The following ANO7 variants were observed in gnomAD, a reference collection of about 807,000 sequenced individuals.
ANO7 encodes the protein anoctamin 7, also known as anoctamin-7.
ANO7 carries 114 observed loss-of-function variants against 115.8 expected under a neutral mutation model. The observed-to-expected ratio is 0.98, with a 90% CI of 0.85 to 1.15. The LOEUF (loss-of-function observed/expected upper bound fraction) is 1.15, where lower values mean the gene tolerates loss of function less well. ANO7 is among the 50% of genes most tolerant of loss of function. The probability of loss-of-function intolerance (pLI) is 0.00; values close to 1 mark genes in which losing one functional copy is unlikely to be tolerated. For synonymous variants in ANO7, 550 were observed against 498.2 expected (o/e 1.10, Z -1.38); for missense variants, 1,302 against 1,201.2 (o/e 1.08, Z -1.24).
chr2:241,216,397 A>G (rs992432095), intron 19 of ANO7, among the ~76,000 whole-genome samples, 159 bp downstream of exon 19: 1 of 152,184 alleles, frequency 6.6e-6, no homozygotes, highest in Non-Finnish European at 1.5e-5. Flanking sequence ...GCCTGTGGAG[A>G]ATCCAGAAAG....
chr2:241,230,004 C>G (rs1427799398), downstream of ANO7: 2 of 1,555,736 alleles, frequency 1.3e-6, no homozygotes, highest in South Asian at 2.4e-5. The surrounding 1 kb of genome is among the most constrained non-coding windows in gnomAD (Gnocchi z 5.0). Context: ...CTGCCCAGCA[C>G]CCCCAGCATC....
intron 22 of ANO7, 22 bp from the exon 23 acceptor site, chr2:241,223,640 G>A: frequency 5.0e-6 from 8 of 1,608,934 alleles, no homozygotes; most frequent in South Asian, 1.1e-5. Flanking sequence ...GGGTGGGCGT[G>A]AGTGCCTTCC....
chr2:241,219,001 T>C (rs2068944283), intron 21 of ANO7, among the ~76,000 whole-genome samples: 1 of 152,134 alleles, frequency 6.6e-6, no homozygotes, highest in Admixed American at 6.5e-5. Context: ...TAGCTATTTA[T>C]CTTCTGTTTC....
chr2:241,207,572 A>G lies in ANO7; in HGVS notation c.981-2A>G, dbSNP rs2068621821. On this transcript the variant is annotated splice_acceptor_variant, in intron 10 of 24. Transcript: ENST00000674324. LOFTEE classifies it high-confidence loss of function. ...CCCACCCCTCCGCTCCATGCCTTGC[A>G]GGCAGGAACTGTGTGGCAGCAAGGA... The G allele has an allele frequency of 6.2e-7, 1 of 1,613,046 alleles. No homozygotes were observed. The highest frequency in any genetic ancestry group is 8.5e-7 in the Non-Finnish European group (1 of 1,179,854).
At chr2:241,210,416 G>T in intron 14 of ANO7, 23 bp downstream of exon 14, 1 of 1,613,618 alleles carries the variant, frequency 6.2e-7, no homozygotes, top group Non-Finnish European at 8.5e-7. Flanking sequence ...TGCCTGCCTC[G>T]GGGGGCCCTG....
chr2:241,195,577 G>T, intron 3 of ANO7, 126 bp from the exon 4 acceptor site: 1 of 882,950 alleles, frequency 1.1e-6, no homozygotes, highest in Non-Finnish European at 1.7e-6. Flanking sequence ...GATCGGGAAG[G>T]AACCGGCCCT....
chr2:241,216,673 C>A lies in ANO7; in HGVS notation c.1972+435C>A, dbSNP rs183625378. Reference sequence around the variant, plus strand: ...GCCCACGCTATTTGCAGACCTACCACTGTCACCTTACCAGGTGGTGGCCAG... The same window carrying A: ...GCCCACGCTATTTGCAGACCTACCAATGTCACCTTACCAGGTGGTGGCCAG... On this transcript the variant is annotated intron_variant, in intron 19 of 24. Transcript: ENST00000674324. Among the ~76,000 whole-genome samples, 620 of 152,340 alleles carry A rather than the reference C, an allele frequency of 4.1e-3. 7 individuals are homozygous for A. The highest frequency in any genetic ancestry group is 0.014 in the African/African-American group (582 of 41,574).
At position 241,190,040 on chromosome 2, in the gene ANO7, G is replaced by C. The variant is rs151218672; in HGVS notation, c.-7-17G>C. The C allele has an allele frequency of 2.6e-6, 4 of 1,552,602 alleles. No individual in the cohort carries two copies. Among genetic ancestry groups the C allele is most frequent in the Admixed American group, 1.9e-5 (1 of 51,382 alleles). On this transcript the variant is annotated splice_polypyrimidine_tract_variant and intron_variant, in intron 1 of 24. Transcript: ENST00000674324. ...CCCTCTCTGACCCCCATCCCCACCCGGCCTTGCTGGGTGCAGGAGCAGGAT... is the reference window on the plus strand; with the variant it reads ...CCCTCTCTGACCCCCATCCCCACCCCGCCTTGCTGGGTGCAGGAGCAGGAT...
the ANO7 span, among the ~76,000 whole-genome samples, chr2:241,232,808 A>C: frequency 7.2e-5 from 11 of 152,000 alleles, no homozygotes; most frequent in African/African-American, 1.4e-4. Flanking sequence ...GACAAAGACT[A>C]TCTCTCTCAA....
At position 241,204,890 on chromosome 2, in the gene ANO7, A is replaced by G. The variant is rs2068553674; in HGVS notation, c.915A>G (p.Pro305=). 2 of 1,613,828 alleles carry G rather than the reference A, an allele frequency of 1.2e-6. No homozygotes were observed. Among genetic ancestry groups the G allele is most frequent in the Non-Finnish European group, 1.7e-6 (2 of 1,179,904 alleles). ...GGTTTTACACAGGCTGGCTCCTGCCAGCGGCAGTGGTGGGCACACTGGTGT... is the reference window on the plus strand; with the variant it reads ...GGTTTTACACAGGCTGGCTCCTGCCGGCGGCAGTGGTGGGCACACTGGTGT... The part of the protein sequence containing the change: ...WLGFYTGWLL[P]AAVVGTLVFL... The change falls in exon 10 of 25, where the codon CCA becomes CCG. Residue 305 remains proline, a synonymous_variant. Coordinates refer to ENST00000674324, the MANE Select transcript of ANO7 (RefSeq NM_001370694.2).
At chr2:241,214,357 C>G (rs1406547624) in intron 17 of ANO7, among the ~76,000 whole-genome samples, 6 of 152,228 alleles carry the variant, frequency 3.9e-5, no homozygotes. Flanking sequence ...TTATCCCCAT[C>G]TGGAGGGAAG....
rs142223903 is a variant in ANO7, at chr2:241,201,377, C to T, written c.612+22C>T. The T allele has an allele frequency of 3.5e-5, 56 of 1,608,670 alleles. No individual in the cohort carries two copies. In the Admixed American group the frequency reaches 5.9e-4, roughly 17 times the overall value. ...AATTGTGAGTGGGGGTTCCCTGCCG[C>T]GGGCCCCAAACCCTGACCTGGCTCT... is the stretch of plus-strand genomic sequence containing the variant. On this transcript the variant is annotated intron_variant, in intron 7 of 24. Coordinates refer to ENST00000674324, the MANE Select transcript of ANO7 (RefSeq NM_001370694.2).
At chr2:241,209,207 C>A in intron 11 of ANO7, 78 bp from the exon 12 acceptor site, 1 of 1,463,340 alleles carries the variant, frequency 6.8e-7, no homozygotes, top group Non-Finnish European at 9.1e-7. Context: ...CACTCCCATT[C>A]CAGGAGGAAG....
chr2:241,239,581 C>T, the ANO7 span: 13 of 1,603,330 alleles, frequency 8.1e-6, no homozygotes, highest in Admixed American at 1.7e-4. The surrounding 1 kb of genome is among the most constrained non-coding windows in gnomAD (Gnocchi z 4.6). Flanking sequence ...AGAACCCCTC[C>T]CCGAGCACCC....
the ANO7 span, among the ~76,000 whole-genome samples, chr2:241,233,417 C>T: frequency 3.3e-5 from 5 of 152,138 alleles, no homozygotes; most frequent in African/African-American, 7.2e-5. This position sits in a 1 kb window ranked among gnomAD's most constrained non-coding sequence, Gnocchi z 4.3. Context: ...ACGGTGTTTG[C>T]AGCTGGGGCT....
chr2:241,199,960 C>T, intron 5 of ANO7, 129 bp from the exon 6 acceptor site: 2 of 1,117,884 alleles, frequency 1.8e-6, no homozygotes, highest in Non-Finnish European at 2.5e-6. Flanking sequence ...CAGGGTCTAC[C>T]ACGCTCCTTC....
rs1316369738 is a variant in ANO7, at chr2:241,201,177, C to T, written c.555-121C>T. 9 of 1,183,124 alleles carry T rather than the reference C, an allele frequency of 7.6e-6. No homozygotes were observed. In the African/African-American group the frequency reaches 1.3e-4, roughly 17 times the overall value. The allele number at this position is 1,183,124 out of a possible 1,614,324, so 73.3% of individuals were successfully genotyped here. On this transcript the variant is annotated intron_variant, in intron 6 of 24. Transcript: ENST00000674324. ...CAGGCCTGTGCTTCTGCGTGCGCGC[C>T]AGCACCCGGGCCCCAAACCTTCTGC...
intron 4 of ANO7, among the ~76,000 whole-genome samples, chr2:241,196,838 CGTGTGTGTGTGTGTGTGTGT>C (rs60120827): frequency 1.6e-4 from 24 of 147,022 alleles, no homozygotes; most frequent in South Asian, 6.6e-4. Flanking sequence ...TCAATTCATT[CGTGTGTGTGTGTGTGTGTGT>C]GTGTGTGTGT....
intron 11 of ANO7, among the ~76,000 whole-genome samples, chr2:241,208,993 C>CA (rs2068653892): frequency 2.6e-5 from 4 of 152,148 alleles, no homozygotes; most frequent in African/African-American, 2.4e-5. Flanking sequence ...ACTAAAAATA[C>CA]AAAAATTTAG....
Sources: gnomAD v4.1 joint callset for allele counts (sites outside exome capture counted in the v4.1 genomes callset) on GRCh38, gnomAD v4.1.1 for gene constraint, Gnocchi (gnomAD v3.1) non-coding constraint, MANE v1.5 for transcripts, NCBI Gene and HGNC (gene_info 2026-07-23, HGNC 2026-07-21) for gene names.